Variants in ZNF793 observed in about 807,000 individuals in gnomAD.
ZNF793 encodes the protein zinc finger protein 793.
ZNF793 carries 5 observed loss-of-function variants against 12.4 expected under a neutral mutation model. The observed-to-expected ratio is 0.40, with a 90% CI of 0.21 to 0.84. The LOEUF (loss-of-function observed/expected upper bound fraction) is 0.84. ZNF793 is among the 40% of genes least tolerant of loss of function. ZNF793 has a pLI of 0.35. For missense variants in ZNF793, 456 were observed against 495.0 expected, an observed-to-expected ratio of 0.92 and a Z score of 0.75; for synonymous variants, 162 against 172.4, an observed-to-expected ratio of 0.94 and a Z score of 0.47.
intron 5 of ZNF793, among the ~76,000 whole-genome samples, chr19:37,523,820 G>T (rs895521633): frequency 6.6e-6 from 1 of 152,134 alleles, no homozygotes; most frequent in African/African-American, 2.4e-5. Flanking sequence ...ATCCTTGGAT[G>T]GTGCAGTACC....
intron 3 of ZNF793, among the ~76,000 whole-genome samples, chr19:37,520,795 A>G (rs1375605554): frequency 4.6e-5 from 7 of 152,116 alleles, no homozygotes; most frequent in Non-Finnish European, 1.0e-4. Context: ...GAATGTGATT[A>G]GTTCACTCCA....
intron 5 of ZNF793, among the ~76,000 whole-genome samples, chr19:37,531,721 A>G (rs1465602372): frequency 6.6e-6 from 1 of 152,196 alleles, no homozygotes. Flanking sequence ...ATGTCCTGCC[A>G]TCACAGCTCT....
intron 5 of ZNF793, among the ~76,000 whole-genome samples, chr19:37,530,061 G>C (rs1459944040): frequency 6.6e-6 from 1 of 152,016 alleles, no homozygotes; most frequent in Admixed American, 6.6e-5. Flanking sequence ...AGATAAACAC[G>C]TGAACAAAGG....
At position 37,537,440 on chromosome 19, in the gene ZNF793, G is replaced by C. The variant is rs745804621; in HGVS notation, c.782G>C (p.Gly261Ala). 1 of 1,613,454 alleles carries C rather than the reference G, an allele frequency of 6.2e-7. No homozygotes were observed. The highest frequency in any genetic ancestry group is 1.3e-5 in the African/African-American group (1 of 74,896). The change falls in exon 8 of 8, where the codon GGG becomes GCG. Residue 261 changes from glycine to alanine, a missense_variant. Physicochemically the swap from Gly to Ala is moderately conservative, Grantham distance 60. Coordinates refer to ENST00000627814, the MANE Select transcript of ZNF793 (RefSeq NM_001013659.3). ...GEKPYGCTDC[G>A]KAFSHKSTLI... ...AAGCCTTATGGCTGCACTGACTGTG[G>C]GAAAGCCTTTTCACATAAGTCAACC...
intron 6 of ZNF793, among the ~76,000 whole-genome samples, chr19:37,533,022 G>A (rs772181809): frequency 6.6e-6 from 1 of 152,124 alleles, no homozygotes; most frequent in Non-Finnish European, 1.5e-5. Flanking sequence ...GGTACAGAGA[G>A]GTGAAGTAAC....
Position 37,537,646 on chromosome 19 carries a change from C to G in ZNF793, c.988C>G (p.Arg330Gly). ...TGAGAAGTCATACCTCAATGTACAT[C>G]GAAAAATGCACACAGGAGAAAGACC... ...FGEKSYLNVH[R>G]KMHTGERPYR... is the part of the protein sequence containing the mutation. Residue 330 changes from arginine to glycine, a missense_variant, in exon 8 of 8, where the codon CGA becomes GGA. Coordinates refer to ENST00000627814, the MANE Select transcript of ZNF793 (RefSeq NM_001013659.3). 2.5e-6 allele frequency: 4 copies of G among 1,613,644 alleles called. No homozygotes were observed. Among genetic ancestry groups the G allele is most frequent in the Middle Eastern group, 1.6e-4 (1 of 6,062 alleles).
chr19:37,506,987 G>A (rs2042253785), intron 1 of ZNF793, 21 bp downstream of exon 1: 1 of 152,256 alleles, frequency 6.6e-6, no homozygotes, highest in African/African-American at 2.4e-5. Context: ...GTGGCAGGAC[G>A]ACCAATTTCA....
In ZNF793 at chr19:37,538,272, T is replaced by G. The variant is rs1225996851; in HGVS notation, c.*393T>G. On this transcript the variant is annotated 3_prime_UTR_variant, in exon 8 of 8. Coordinates refer to ENST00000627814, the MANE Select transcript of ZNF793 (RefSeq NM_001013659.3). ...TTATCATTTTAATGAATTTGAACAG[T>G]GTGTTTTTATTTTATTTATTTATTT... 6.3e-6 allele frequency: 1 copy of G among 157,732 alleles called. No individual in the cohort carries two copies. Among genetic ancestry groups the G allele is most frequent in the Non-Finnish European group, 1.4e-5 (1 of 71,602 alleles). 9.8% of individuals were successfully genotyped at this position (157,732 alleles called of 1,614,324 possible).
intron 3 of ZNF793, among the ~76,000 whole-genome samples, chr19:37,521,848 G>A (rs1568789432): frequency 6.6e-6 from 1 of 152,012 alleles, no homozygotes; most frequent in African/African-American, 2.4e-5. Flanking sequence ...TCTATATAAA[G>A]CCATGTTTGC....
At chr19:37,518,115 C>CATTATT (rs544791122) in intron 2 of ZNF793, among the ~76,000 whole-genome samples, 7 of 151,204 alleles carry the variant, frequency 4.6e-5, no homozygotes, top group South Asian at 2.1e-4. Context: ...TACACCACTC[C>CATTATT]ATTATTATTA....
rs368280975 is a variant in ZNF793 at position 37,532,011 on chromosome 19, CA to C, written c.16-341del. Among the ~76,000 whole-genome samples the C allele has an allele frequency of 4.9e-3, 677 of 137,910 alleles. 10 individuals are homozygous for C. The highest frequency in any genetic ancestry group is 0.016 in the African/African-American group (613 of 37,946). 90.5% of individuals were successfully genotyped at this position (137,910 alleles called of 152,430 possible). On this transcript the variant is annotated intron_variant, in intron 5 of 7. Coordinates refer to ENST00000627814, the MANE Select transcript of ZNF793 (RefSeq NM_001013659.3). The stretch of plus-strand genomic sequence containing the variant: ...ATAAAAATCAGCACCATCTCTTGCA[CA>C]AAATTTTTTTTTTTTTTTTTTGAGA...
intron 2 of ZNF793, among the ~76,000 whole-genome samples, chr19:37,517,456 CA>C (rs35675130): frequency 0.27 from 29,655 of 109,726 alleles, 2,966 homozygotes; most frequent in Middle Eastern, 0.33. Context: ...AACTCTGTCT[CA>C]AAAAAAAAAA....
chr19:37,533,708 C>G (rs982913813), intron 7 of ZNF793: 9 of 465,072 alleles, frequency 1.9e-5, no homozygotes, highest in Non-Finnish European at 3.0e-5. Context: ...TCTGTTGTGA[C>G]AAACTTTCCA....
In ZNF793 at chr19:37,542,947, A is replaced by G. The variant is rs2147125136; in HGVS notation, c.*5068A>G. ...CAGGGGTGTAGGGAAAAGGAAAACC[A>G]AAAAAGAAAAATACATAAATGACTG... On this transcript the variant is annotated 3_prime_UTR_variant, in exon 8 of 8. Coordinates refer to ENST00000627814, the MANE Select transcript of ZNF793 (RefSeq NM_001013659.3). The G allele has an allele frequency of 6.6e-6, 1 of 152,288 alleles. No homozygotes were observed. The highest frequency in any genetic ancestry group is 3.4e-3 in the Middle Eastern group (1 of 294). 9.4% of individuals were successfully genotyped at this position (152,288 alleles called of 1,614,324 possible).
At position 37,537,217 on chromosome 19, in the gene ZNF793, C is replaced by A. The variant is rs373385714; in HGVS notation, c.559C>A (p.Pro187Thr). The A allele has an allele frequency of 5.0e-5, 81 of 1,613,718 alleles. No individual in the cohort carries two copies. Among genetic ancestry groups the A allele is most frequent in the Non-Finnish European group, 6.6e-5 (78 of 1,179,822 alleles). Residue 187 changes from proline to threonine, a missense_variant, in exon 8 of 8, where the codon CCC becomes ACC. Coordinates refer to ENST00000627814, the MANE Select transcript of ZNF793 (RefSeq NM_001013659.3). ...NHGRRPNGEKPRGCSHCEKAF... is the reference protein window; with the variant it reads ...NHGRRPNGEKTRGCSHCEKAF... The stretch of plus-strand genomic sequence containing the variant: ...TGGTAGACGACCTAATGGAGAAAAG[C>A]CCCGGGGTTGCAGTCACTGTGAGAA...
intron 5 of ZNF793, among the ~76,000 whole-genome samples, chr19:37,527,737 TG>T (rs1283056186): frequency 6.6e-6 from 1 of 152,188 alleles, no homozygotes; most frequent in Non-Finnish European, 1.5e-5. Flanking sequence ...AAAACACTTT[TG>T]GGTTTTCTAA....
intron 2 of ZNF793, among the ~76,000 whole-genome samples, chr19:37,510,515 C>CAA (rs1158855173): frequency 1.7e-4 from 12 of 70,788 alleles, no homozygotes; most frequent in Admixed American, 1.1e-3. Context: ...AACTCCATCT[C>CAA]AAAAAAAAAA....
At position 37,523,473 on chromosome 19, in the gene ZNF793, A is replaced by G; in HGVS notation, c.15+19A>G. On this transcript the variant is annotated intron_variant, in intron 5 of 7. Coordinates refer to ENST00000627814, the MANE Select transcript of ZNF793 (RefSeq NM_001013659.3). The stretch of plus-strand genomic sequence containing the variant: ...ATACCAGGTAAGTATCACATTAAGT[A>G]GCCCAGTTTTCCTTCCTGGGGAAAC... The G allele has an allele frequency of 6.2e-7, 1 of 1,613,112 alleles. No homozygotes were observed. Among genetic ancestry groups the G allele is most frequent in the Non-Finnish European group, 8.5e-7 (1 of 1,179,074 alleles).
chr19:37,517,456 C>CAA lies in ZNF793; in HGVS notation c.-275-2709_-275-2708dup, dbSNP rs35675130. ...GGGCAACAAGAGAGAAACTCTGTCT[C>CAA]AAAAAAAAAAAAAAAAAAAATGTGC... On this transcript the variant is annotated intron_variant, in intron 2 of 7. Coordinates refer to ENST00000627814, the MANE Select transcript of ZNF793 (RefSeq NM_001013659.3). Among the ~76,000 whole-genome samples the CAA allele has an allele frequency of 6.6e-3, 722 of 109,780 alleles. 10 individuals are homozygous for CAA. The highest frequency in any genetic ancestry group is 0.021 in the African/African-American group (674 of 31,926). 72.0% of individuals were successfully genotyped at this position (109,780 alleles called of 152,430 possible).
Sources: allele counts gnomAD v4.1 joint callset (sites outside exome capture counted in the v4.1 genomes callset), GRCh38; gene constraint gnomAD v4.1.1; transcripts MANE v1.5; gene names NCBI Gene and HGNC (gene_info 2026-07-23, HGNC 2026-07-21).